The following BNIP2 variants were observed in gnomAD, a reference collection of about 807,000 sequenced individuals.
The protein encoded by BNIP2 is BCL2/adenovirus E1B 19 kDa protein-interacting protein 2.
In BNIP2, 36 loss-of-function variants were observed where a neutral mutation model predicts 43.4. The observed-to-expected ratio is 0.83, with a 90% confidence interval of 0.64 to 1.10. The LOEUF (loss-of-function observed/expected upper bound fraction) is 1.10. Among genes scored for constraint, BNIP2 ranks in the 50% least tolerant of loss-of-function variants. The pLI is 0.00. For missense variants in BNIP2, 417 were observed against 374.1 expected, an observed-to-expected ratio of 1.11 and a Z score of -0.95; for synonymous variants, 146 against 121.0, an observed-to-expected ratio of 1.21 and a Z score of -1.35.
intron 1 of BNIP2, chr15:59,688,726 G>C (rs1458346556): frequency 1.3e-6 from 2 of 1,535,534 alleles, no homozygotes; most frequent in African/African-American, 1.4e-5. Context: ...CGGTTACGAG[G>C]CATACCAGAA....
intron 5 of BNIP2, chr15:59,676,886 G>A: frequency 1.9e-6 from 3 of 1,598,290 alleles, no homozygotes; most frequent in Non-Finnish European, 2.6e-6. Context: ...GCTCACCGCT[G>A]TCACCTGCAC....
intron 5 of BNIP2, among the ~76,000 whole-genome samples, chr15:59,673,751 T>C (rs1484555160): frequency 6.6e-6 from 1 of 152,030 alleles, no homozygotes; most frequent in Non-Finnish European, 1.5e-5. Flanking sequence ...AAAAGGTAAG[T>C]TTATATTTAA....
rs74531580 is a variant in BNIP2 at position 59,688,514 on chromosome 15, G to C, written c.-58+621C>G. Reference sequence around the variant, plus strand: ...AGCTGTTTCGTCAAAGAGCTCACAAGACACAGACAAGTAACTCTCCAGCGG... The same window carrying C: ...AGCTGTTTCGTCAAAGAGCTCACAACACACAGACAAGTAACTCTCCAGCGG... On this transcript the variant is annotated intron_variant, in intron 1 of 9. Coordinates refer to ENST00000607373, the MANE Select transcript of BNIP2 (RefSeq NM_004330.4). 3.1e-3 allele frequency: 1,651 copies of C among 531,892 alleles called. 34 individuals carry two copies. The highest frequency in any genetic ancestry group is 0.028 in the African/African-American group (1,452 of 51,466). The allele number at this position is 531,892 out of a possible 1,614,324, so 32.9% of individuals were successfully genotyped here.
At chr15:59,676,689 A>G (rs6151525) in intron 5 of BNIP2, 280,800 of 647,748 alleles carry the variant, frequency 0.43, 65,946 homozygotes, top group East Asian at 0.85. Context: ...TATTGCATGA[A>G]ACGGCTAGGG....
chr15:59,667,766 T>C (rs1892650659), intron 9 of BNIP2, among the ~76,000 whole-genome samples: 2 of 152,326 alleles, frequency 1.3e-5, no homozygotes, highest in African/African-American at 2.4e-5. Context: ...TTAAAGAAAA[T>C]GGTGAAACAG....
In BNIP2 at chr15:59,677,950, T is replaced by C; in HGVS notation, c.433A>G (p.Lys145Glu). 2 of 1,613,090 alleles carry C rather than the reference T, an allele frequency of 1.2e-6. No homozygotes were observed. The highest frequency in any genetic ancestry group is 1.7e-6 in the Non-Finnish European group (2 of 1,179,648). The change falls in exon 5 of 10, where the codon AAG becomes GAG. Residue 145 changes from lysine (K) to glutamate (E), a missense_variant. Coordinates refer to ENST00000607373, the MANE Select transcript of BNIP2 (RefSeq NM_004330.4). The part of the protein sequence containing the change: ...IGEQDHRVDM[K>E]AIEPYKKVIS... The stretch of plus-strand genomic sequence containing the variant: ...ACTTTTTTATAGGGTTCAATTGCCT[T>C]CATATCAACCCTGTGGTCCTGTTCT...
At chr15:59,680,168 T>G (rs77442095) in intron 3 of BNIP2, 73 bp downstream of exon 3, 2 of 1,188,232 alleles carry the variant, frequency 1.7e-6, no homozygotes, top group Non-Finnish European at 2.3e-6. Context: ...TTTTTTTTTT[T>G]GGACAAAGAA....
chr15:59,668,605 G>T (rs1892703536), intron 9 of BNIP2: 3 of 295,874 alleles, frequency 1.0e-5, no homozygotes. Flanking sequence ...ATCAATTAGA[G>T]AAATCATCTC....
intron 9 of BNIP2, among the ~76,000 whole-genome samples, chr15:59,667,439 T>C (rs1437379792): frequency 6.6e-6 from 1 of 152,246 alleles, no homozygotes. Flanking sequence ...CTAAGTATTT[T>C]ATACCCTTGC....
intron 7 of BNIP2, among the ~76,000 whole-genome samples, chr15:59,669,769 G>A (rs908169194): frequency 5.3e-5 from 8 of 152,260 alleles, no homozygotes; most frequent in Admixed American, 3.3e-4. Context: ...AAGTGTGAGT[G>A]GAGAAGATGA....
intron 9 of BNIP2, 35 bp from the exon 10 acceptor site, chr15:59,664,155 G>T (rs113658239): frequency 1.5e-6 from 2 of 1,337,182 alleles, no homozygotes; most frequent in African/African-American, 3.0e-5. Context: ...TAAGAAACCA[G>T]CAACTGAACA....
intron 5 of BNIP2, chr15:59,677,251 G>C: frequency 6.3e-7 from 1 of 1,597,026 alleles, no homozygotes; most frequent in Non-Finnish European, 8.6e-7. Flanking sequence ...CGGCTGGACT[G>C]CTTGACTGAA....
At chr15:59,681,934 T>C (rs1893703708) in intron 2 of BNIP2, among the ~76,000 whole-genome samples, 1 of 152,164 alleles carries the variant, frequency 6.6e-6, no homozygotes, top group African/African-American at 2.4e-5. Flanking sequence ...GAAGATTATA[T>C]ATATACTTGG....
At position 59,671,212 on chromosome 15, in the gene BNIP2, G is replaced by C. The variant is rs779473072; in HGVS notation, c.678C>G (p.Leu226=). ...TRRKMPSLGW[L]RKCYQQIDRR... ...TATCAATTTGCTGATAACATTTCCT[G>C]AGCCATCCCAGACTGGGCATTTTTC... The change falls in exon 7 of 10, where the codon CTC becomes CTG. Residue 226 remains leucine, a synonymous_variant. Transcript: ENST00000607373. 6.2e-7 allele frequency: 1 copy of C among 1,601,252 alleles called. No individual in the cohort carries two copies.
Position 59,659,877 on chromosome 15 carries a change from ACT to A in BNIP2, c.*4190_*4191del, listed in dbSNP as rs1364195109. 2 of 152,164 alleles carry A rather than the reference ACT, an allele frequency of 1.3e-5. No individual in the cohort carries two copies. The highest frequency in any genetic ancestry group is 2.9e-5 in the Non-Finnish European group (2 of 68,032). The allele number at this position is 152,164 out of a possible 1,614,324, so 9.4% of individuals were successfully genotyped here. ...GGTCTATTATAAATAGTTGCAACATACTGTTATATTCAAATTTTAGTGTCACT... is the reference window on the plus strand; with the variant it reads ...GGTCTATTATAAATAGTTGCAACATAGTTATATTCAAATTTTAGTGTCACT... On this transcript the variant is annotated 3_prime_UTR_variant, in exon 10 of 10. Coordinates refer to ENST00000607373, the MANE Select transcript of BNIP2 (RefSeq NM_004330.4).
intron 5 of BNIP2, chr15:59,676,613 C>T: frequency 1.8e-6 from 1 of 556,612 alleles, no homozygotes; most frequent in South Asian, 2.5e-5. Context: ...ATGAGAAATG[C>T]TTATTATTCT....
chr15:59,686,975 C>T (rs571146254), intron 1 of BNIP2, among the ~76,000 whole-genome samples: 14 of 152,286 alleles, frequency 9.2e-5, no homozygotes, highest in African/African-American at 3.1e-4. Context: ...CGAGATTGCG[C>T]CATTGCATTC....
At chr15:59,677,725 A>C (rs1893396546) in intron 5 of BNIP2, 186 bp downstream of exon 5, 1 of 1,140,364 alleles carries the variant, frequency 8.8e-7, no homozygotes, top group Non-Finnish European at 1.1e-6. Context: ...GTGTAAAGTT[A>C]CAAAAAAAAC....
intron 1 of BNIP2, 133 bp downstream of exon 1, chr15:59,689,002 C>G (rs896744913): frequency 1.2e-5 from 17 of 1,443,360 alleles, no homozygotes; most frequent in Non-Finnish European, 1.3e-5. Flanking sequence ...TATGGCTCCC[C>G]CTACCAAGGG....
Sources: allele counts gnomAD v4.1 joint callset (sites outside exome capture counted in the v4.1 genomes callset), GRCh38; gene constraint gnomAD v4.1.1; transcripts MANE v1.5; gene names NCBI Gene and HGNC (gene_info 2026-07-23, HGNC 2026-07-21).